The following GUCY1A2 variants were observed in gnomAD, a reference collection of about 807,000 sequenced individuals.
GUCY1A2 encodes guanylate cyclase soluble subunit alpha-2.
Under a neutral mutation model 63.5 loss-of-function variants are expected in GUCY1A2, and 27 were observed. The observed-to-expected ratio is 0.43, with a 90% CI of 0.31 to 0.59. The LOEUF (loss-of-function observed/expected upper bound fraction) is 0.59. GUCY1A2 is among the 20% of genes least tolerant of loss of function. The probability of loss-of-function intolerance (pLI) is 0.11; values close to 1 mark genes in which losing one functional copy is unlikely to be tolerated. For missense variants in GUCY1A2, 768 were observed against 913.3 expected, an observed-to-expected ratio of 0.84 and a Z score of 2.05; for synonymous variants, 364 against 343.5, an observed-to-expected ratio of 1.06 and a Z score of -0.66.
At chr11:106,886,370 A>G (rs1462699011) in intron 4 of GUCY1A2, among the ~76,000 whole-genome samples, 2 of 152,154 alleles carry the variant, frequency 1.3e-5, no homozygotes, top group Non-Finnish European at 2.9e-5. Flanking sequence ...CAAAATGATA[A>G]AAGGTGTCTA....
intron 3 of GUCY1A2, among the ~76,000 whole-genome samples, chr11:106,960,554 T>C (rs1328069569): frequency 6.6e-6 from 1 of 152,210 alleles, no homozygotes; most frequent in Non-Finnish European, 1.5e-5. Context: ...TAAATATTTG[T>C]TGAATAGATA....
At chr11:106,980,290 C>T (rs1861318159) in intron 2 of GUCY1A2, among the ~76,000 whole-genome samples, 1 of 152,142 alleles carries the variant, frequency 6.6e-6, no homozygotes, top group Non-Finnish European at 1.5e-5. Flanking sequence ...GGACAGGGCT[C>T]CCACTAGCAA....
At chr11:106,952,767 A>G (rs967082469) in intron 3 of GUCY1A2, among the ~76,000 whole-genome samples, 4 of 151,810 alleles carry the variant, frequency 2.6e-5, no homozygotes, top group African/African-American at 9.7e-5. Context: ...CAGCCTCCCA[A>G]TATCTGGGAC....
intron 6 of GUCY1A2, among the ~76,000 whole-genome samples, chr11:106,738,962 G>A (rs896885447): frequency 2.0e-5 from 3 of 152,026 alleles, no homozygotes; most frequent in Non-Finnish European, 2.9e-5. Context: ...GGATAGCATT[G>A]AATCTATAAT....
chr11:106,823,976 C>A, intron 4 of GUCY1A2: 1 of 652,134 alleles, frequency 1.5e-6, no homozygotes. Context: ...AAAATTACTG[C>A]GCATATAGTT....
intron 1 of GUCY1A2, among the ~76,000 whole-genome samples, chr11:107,004,899 A>T (rs1186500885): frequency 6.6e-6 from 1 of 152,172 alleles, no homozygotes; most frequent in East Asian, 1.9e-4. Context: ...ATATTCAAGG[A>T]GTGCATCATA....
rs1862438242 is a variant in GUCY1A2 at position 106,681,783 on chromosome 11, GCAT to G, written c.*5763_*5765del. On this transcript the variant is annotated 3_prime_UTR_variant, in exon 8 of 8. Coordinates refer to ENST00000526355, the MANE Select transcript of GUCY1A2 (RefSeq NM_000855.3). ...TGCAAAGAAGTGCAAGCTTCATATGGCATCATCACCATGGCTTAAATTATTGCT... is the reference window on the plus strand; with the variant it reads ...TGCAAAGAAGTGCAAGCTTCATATGGCATCACCATGGCTTAAATTATTGCT... 5 of 218,878 alleles carry G rather than the reference GCAT, an allele frequency of 2.3e-5. No homozygotes were observed. In the South Asian group the frequency reaches 9.2e-4, roughly 40 times the overall value. 13.6% of individuals were successfully genotyped at this position (218,878 alleles called of 1,614,324 possible).
At chr11:106,822,389 G>A (rs1192696812) in intron 4 of GUCY1A2, among the ~76,000 whole-genome samples, 1 of 151,740 alleles carries the variant, frequency 6.6e-6, no homozygotes, top group Non-Finnish European at 1.5e-5. Flanking sequence ...TAGGTCCAAG[G>A]AGCACATGTG....
chr11:106,770,443 T>G (rs1317843300), intron 6 of GUCY1A2, among the ~76,000 whole-genome samples: 1 of 152,150 alleles, frequency 6.6e-6, no homozygotes, highest in Non-Finnish European at 1.5e-5. Flanking sequence ...CCAACTGTAA[T>G]TAGTTTTTCT....
intron 4 of GUCY1A2, among the ~76,000 whole-genome samples, chr11:106,839,335 C>T (rs1250647094): frequency 2.6e-5 from 4 of 151,824 alleles, no homozygotes; most frequent in East Asian, 1.9e-4. Context: ...GTCAGAATGG[C>T]GATCATTAAA....
At position 106,939,708 on chromosome 11, in the gene GUCY1A2, T is replaced by C. The variant is rs747305478; in HGVS notation, c.958A>G (p.Ile320Val). 2.5e-6 allele frequency: 4 copies of C among 1,613,764 alleles called. No homozygotes were observed. The highest frequency in any genetic ancestry group is 2.2e-5 in the East Asian group (1 of 44,874). The change falls in exon 4 of 8, where the codon ATC (isoleucine) becomes GTC (valine). Residue 320 changes from isoleucine to valine, a missense_variant. Physicochemically the swap from Ile to Val is conservative, Grantham distance 29. This residue lies in a region of GUCY1A2 where 496 missense variants were observed against 486.9 expected (regional missense o/e 1.02). Coordinates refer to ENST00000526355, the MANE Select transcript of GUCY1A2 (RefSeq NM_000855.3). ...SQVPADLRIS[I>V]NTFCRAFPFH... ...GGGAAGGCTCTACAGAAGGTGTTGA[T>C]GCTAATTCTGAGGTCCGCAGGAACT...
At chr11:106,777,046 T>G (rs1434796262) in intron 5 of GUCY1A2, among the ~76,000 whole-genome samples, 1 of 152,226 alleles carries the variant, frequency 6.6e-6, no homozygotes, top group African/African-American at 2.4e-5. Context: ...TCTTTCTTAC[T>G]CTTAAAAATT....
chr11:107,016,427 G>A (rs190558047), intron 1 of GUCY1A2, among the ~76,000 whole-genome samples: 1 of 152,348 alleles, frequency 6.6e-6, no homozygotes, highest in East Asian at 1.9e-4. Flanking sequence ...TTGGATCAGA[G>A]GTCTGGCATT....
intron 6 of GUCY1A2, among the ~76,000 whole-genome samples, chr11:106,771,931 T>C (rs1864264519): frequency 6.6e-6 from 1 of 152,184 alleles, no homozygotes; most frequent in South Asian, 2.1e-4. Flanking sequence ...GAACTGATTT[T>C]TCAGAATGTA....
intron 4 of GUCY1A2, chr11:106,826,724 C>G: frequency 6.2e-7 from 1 of 1,610,748 alleles, no homozygotes; most frequent in Non-Finnish European, 8.5e-7. Flanking sequence ...CTCGCTGCAG[C>G]CATGCACTTT....
chr11:106,823,737 T>G (rs1858932022), intron 4 of GUCY1A2, among the ~76,000 whole-genome samples: 1 of 152,136 alleles, frequency 6.6e-6, no homozygotes, highest in African/African-American at 2.4e-5. Context: ...CTATTGTTTT[T>G]CGACTTTTTA....
chr11:106,722,677 C>T (rs1276230511), intron 6 of GUCY1A2, among the ~76,000 whole-genome samples: 1 of 151,802 alleles, frequency 6.6e-6, no homozygotes, highest in Non-Finnish European at 1.5e-5. Flanking sequence ...AGCCAGTCAT[C>T]GATCCCATTC....
At chr11:106,768,875 T>C (rs1864207177) in intron 6 of GUCY1A2, among the ~76,000 whole-genome samples, 3 of 152,070 alleles carry the variant, frequency 2.0e-5, no homozygotes, top group Non-Finnish European at 4.4e-5. Flanking sequence ...AGCCTAAGAA[T>C]TCCTAGGGCA....
intron 4 of GUCY1A2, among the ~76,000 whole-genome samples, chr11:106,841,860 T>C (rs1468810999): frequency 6.6e-6 from 1 of 151,846 alleles, no homozygotes; most frequent in Non-Finnish European, 1.5e-5. Context: ...AGAATTTTAC[T>C]TTACTACCTT....
Sources: gnomAD v4.1 joint callset for allele counts (sites outside exome capture counted in the v4.1 genomes callset) on GRCh38, gnomAD v4.1.1 for gene constraint, gnomAD v4.1.1 regional missense constraint, MANE v1.5 for transcripts, NCBI Gene and HGNC (gene_info 2026-07-23, HGNC 2026-07-21) for gene names.